KALRN: variants seen among roughly 807,000 people sequenced by gnomAD.
KALRN encodes the protein kalirin RhoGEF kinase.
A neutral mutation model predicts 353.7 loss-of-function variants in KALRN; 70 were observed. The observed-to-expected ratio is 0.20, with a 90% CI of 0.16 to 0.24. The LOEUF (loss-of-function observed/expected upper bound fraction) is 0.24, where lower values mean the gene tolerates loss of function less well. Among genes scored for constraint, KALRN ranks in the 10% least tolerant of loss-of-function variants. The pLI is 1.00. For missense variants in KALRN, 2,791 were observed against 3,756.7 expected (o/e 0.74, Z 6.72); for synonymous variants, 1,391 against 1,434.8 (o/e 0.97, Z 0.69).
intron 1 of KALRN, among the ~76,000 whole-genome samples, chr3:124,193,251 C>T (rs990064662): frequency 3.3e-5 from 5 of 152,056 alleles, no homozygotes; most frequent in African/African-American, 1.2e-4. Context: ...GGAAAGAAAG[C>T]GGGGAACTGG....
chr3:124,066,660 GCTT>G (rs1276006097), intron 1 of KALRN, among the ~76,000 whole-genome samples: 1 of 152,168 alleles, frequency 6.6e-6, no homozygotes, highest in Non-Finnish European at 1.5e-5. Context: ...CACCCTCCTT[GCTT>G]CTTCTTATCT....
intron 33 of KALRN, among the ~76,000 whole-genome samples, chr3:124,496,858 G>A (rs1018596118): frequency 2.6e-5 from 4 of 152,170 alleles, no homozygotes; most frequent in African/African-American, 9.7e-5. Flanking sequence ...GTTAGACCAA[G>A]ATTAAAGGTT....
chr3:124,180,315 G>A (rs911781435), intron 1 of KALRN, among the ~76,000 whole-genome samples: 1 of 152,068 alleles, frequency 6.6e-6, no homozygotes, highest in African/African-American at 2.4e-5. Context: ...TACCTTGAAG[G>A]CTATAGAGCT....
intron 1 of KALRN, among the ~76,000 whole-genome samples, chr3:124,102,606 T>A (rs2061967995): frequency 6.6e-6 from 1 of 152,240 alleles, no homozygotes; most frequent in African/African-American, 2.4e-5. Flanking sequence ...CAGTAAGTAC[T>A]CAGTAAGTAT....
chr3:124,424,264 T>A (rs548968893), intron 15 of KALRN, among the ~76,000 whole-genome samples: 1 of 152,178 alleles, frequency 6.6e-6, no homozygotes, highest in Non-Finnish European at 1.5e-5. Flanking sequence ...TTAAACATTT[T>A]TTTTTCTTGT....
chr3:124,106,250 GTGAAAAA>G (rs1394402670), intron 1 of KALRN, among the ~76,000 whole-genome samples: 2 of 152,166 alleles, frequency 1.3e-5, no homozygotes. Flanking sequence ...AGTAGAAAAA[GTGAAAAA>G]TGAGGAAATG....
At chr3:124,293,373 G>A (rs1250253467) in intron 5 of KALRN, among the ~76,000 whole-genome samples, 3 of 152,074 alleles carry the variant, frequency 2.0e-5, no homozygotes, top group Non-Finnish European at 4.4e-5. Flanking sequence ...GCAAATGAAG[G>A]AAAATAAACA....
chr3:124,353,194 A>AT (rs564742874), intron 10 of KALRN, among the ~76,000 whole-genome samples: 1 of 152,192 alleles, frequency 6.6e-6, no homozygotes, highest in South Asian at 2.1e-4. Flanking sequence ...ATCATTCAAA[A>AT]TAGGTAAGAA....
chr3:124,457,144 A>G (rs146452096), intron 23 of KALRN, among the ~76,000 whole-genome samples: 1,626 of 152,140 alleles, frequency 0.011, 22 homozygotes, highest in African/African-American at 0.037. Flanking sequence ...ATCTCAGCTC[A>G]CTGCAACCTC....
At chr3:124,332,870 TAAAG>T (rs1424798881) in intron 8 of KALRN, among the ~76,000 whole-genome samples, 2 of 151,630 alleles carry the variant, frequency 1.3e-5, no homozygotes, top group African/African-American at 4.9e-5. Flanking sequence ...GACAAGGAAA[TAAAG>T]AGGATGGGAG....
intron 37 of KALRN, among the ~76,000 whole-genome samples, chr3:124,647,238 G>A (rs919999489): frequency 4.6e-5 from 7 of 152,002 alleles, no homozygotes; most frequent in Non-Finnish European, 1.0e-4. Context: ...ATGCAGACAG[G>A]TTCCTTATGA....
intron 18 of KALRN, among the ~76,000 whole-genome samples, chr3:124,440,102 C>A (rs969587712): frequency 1.3e-5 from 2 of 151,876 alleles, no homozygotes; most frequent in African/African-American, 4.8e-5. Context: ...GGTATCCGCA[C>A]CTATATGGGT....
intron 6 of KALRN, among the ~76,000 whole-genome samples, chr3:124,312,597 G>A (rs996657282): frequency 3.9e-5 from 6 of 152,210 alleles, no homozygotes; most frequent in Non-Finnish European, 8.8e-5. Flanking sequence ...AAAGGGAATG[G>A]CCATGACAGA....
chr3:124,127,517 A>G (rs999879133), intron 1 of KALRN, among the ~76,000 whole-genome samples: 3 of 152,268 alleles, frequency 2.0e-5, no homozygotes, highest in Admixed American at 2.0e-4. Flanking sequence ...TTTGCTTGAT[A>G]TTACCCACTT....
chr3:124,461,722 A>C (rs1488860791), intron 23 of KALRN, among the ~76,000 whole-genome samples, 168 bp from the exon 24 acceptor site: 1 of 152,176 alleles, frequency 6.6e-6, no homozygotes, highest in Non-Finnish European at 1.5e-5. Context: ...TCATAGGAAG[A>C]TACTTGTAGG....
chr3:124,643,634 G>A (rs375926100), intron 37 of KALRN, among the ~76,000 whole-genome samples: 11 of 152,050 alleles, frequency 7.2e-5, no homozygotes, highest in Non-Finnish European at 1.5e-4. Flanking sequence ...GGCATGTGTC[G>A]CCATGCCTGG....
At position 124,395,059 on chromosome 3, in the gene KALRN, T is replaced by G. The variant is rs2089978732; in HGVS notation, c.1963-76T>G. On this transcript the variant is annotated intron_variant, in intron 11 of 59. Transcript: ENST00000682506. ...TTGAGAGTAAGTTGGGTGATTCCAG[T>G]CTAGCTTCCTTGCCCTCACCCCAGC... 2.6e-6 allele frequency: 3 copies of G among 1,151,278 alleles called. No individual in the cohort carries two copies. In the South Asian group the frequency reaches 4.3e-5, roughly 16 times the overall value. The allele number at this position is 1,151,278 out of a possible 1,614,324, so 71.3% of individuals were successfully genotyped here.
At chr3:124,161,130 T>C (rs566765653) in intron 1 of KALRN, among the ~76,000 whole-genome samples, 1 of 152,330 alleles carries the variant, frequency 6.6e-6, no homozygotes, top group Admixed American at 6.5e-5. Context: ...TGGTCAATAA[T>C]ATATGCTATC....
At chr3:124,157,857 C>T (rs1407511123) in intron 1 of KALRN, among the ~76,000 whole-genome samples, 1 of 152,158 alleles carries the variant, frequency 6.6e-6, no homozygotes, top group Non-Finnish European at 1.5e-5. Context: ...CACCTCTGCC[C>T]CTTTCCCCTG....
Sources: allele counts gnomAD v4.1 joint callset (sites outside exome capture counted in the v4.1 genomes callset), GRCh38; gene constraint gnomAD v4.1.1; transcripts MANE v1.5; gene names NCBI Gene and HGNC (gene_info 2026-07-23, HGNC 2026-07-21).